The following TAMM41 variants were observed in gnomAD, a reference collection of about 807,000 sequenced individuals.
TAMM41 encodes TAM41 mitochondrial translocator assembly and maintenance homolog.
Under a neutral mutation model 44.1 loss-of-function variants are expected in TAMM41, and 36 were observed. The observed-to-expected ratio is 0.82, with a 90% confidence interval of 0.63 to 1.08. The LOEUF is 1.08. Among genes scored for constraint, TAMM41 ranks in the 50% least tolerant of loss-of-function variants. The probability of loss-of-function intolerance (pLI) is 0.00; values close to 1 mark genes in which losing one functional copy is unlikely to be tolerated. For synonymous variants in TAMM41, 164 were observed against 153.1 expected (o/e 1.07, Z -0.53); for missense variants, 417 against 404.3 (o/e 1.03, Z -0.27).
At chr3:11,789,531 T>C (rs2077438159), downstream of TAMM41, among the ~76,000 whole-genome samples, 1 of 152,184 alleles carries the variant, frequency 6.6e-6, no homozygotes, top group Admixed American at 6.5e-5. Flanking sequence ...GTCTACTCCT[T>C]CTCTGAAGCC....
chr3:11,844,200 C>T lies in TAMM41; in HGVS notation c.147G>A (p.Leu49=), dbSNP rs772619089. 46 of 1,613,894 alleles carry T rather than the reference C, an allele frequency of 2.9e-5. 1 individual carries two copies. The South Asian group carries it at 4.0e-4, about 14-fold the overall frequency. Residue 49 remains leucine (L), a synonymous_variant, in exon 2 of 8, where the codon CTG becomes CTA. Transcript: ENST00000455809. ...GGTCATCTACTGTGAACACAAAGTC[C>T]AGCATAGCATTCTGTGGAGTGAAGA... ...GPSSDQKNAM[L]DFVFTVDDPV...
chr3:11,787,192 A>T (rs933469156), downstream of TAMM41, among the ~76,000 whole-genome samples: 11 of 152,304 alleles, frequency 7.2e-5, 1 homozygote, highest in Admixed American at 4.6e-4. Flanking sequence ...ACCTTTTAGG[A>T]CCTAGCCTTG....
At chr3:11,841,399 A>G (rs2079435001) in intron 2 of TAMM41, among the ~76,000 whole-genome samples, 2 of 152,142 alleles carry the variant, frequency 1.3e-5, no homozygotes, top group Admixed American at 1.3e-4. Flanking sequence ...GCCTATTTCA[A>G]TAATAATTTG....
At chr3:11,779,853 G>A in the TAMM41 span, among the ~76,000 whole-genome samples, 1 of 152,068 alleles carries the variant, frequency 6.6e-6, no homozygotes, top group South Asian at 2.1e-4. Context: ...ATCCCCAAAT[G>A]TGCCCCTCCT....
At chr3:11,772,927 G>A in the TAMM41 span, among the ~76,000 whole-genome samples, 2 of 151,976 alleles carry the variant, frequency 1.3e-5, no homozygotes, top group Admixed American at 6.6e-5. Context: ...GCTGTCACAC[G>A]GTATACTCTT....
At chr3:11,791,840 T>G (rs1274289944) in intron 7 of TAMM41, among the ~76,000 whole-genome samples, 1 of 152,136 alleles carries the variant, frequency 6.6e-6, no homozygotes, top group Non-Finnish European at 1.5e-5. Flanking sequence ...CATAACCTAG[T>G]CAACAAACTC....
chr3:11,779,477 C>T, the TAMM41 span, among the ~76,000 whole-genome samples: 42 of 152,274 alleles, frequency 2.8e-4, no homozygotes, highest in African/African-American at 9.4e-4. Context: ...ACCTCCAACA[C>T]CGAGGATCCA....
the TAMM41 span, among the ~76,000 whole-genome samples, chr3:11,765,626 T>A: frequency 9.9e-5 from 15 of 152,156 alleles, no homozygotes; most frequent in African/African-American, 3.6e-4. Flanking sequence ...CTATTTGATA[T>A]AAGACCATAT....
the TAMM41 span, among the ~76,000 whole-genome samples, chr3:11,772,558 G>A: frequency 6.6e-6 from 1 of 151,984 alleles, no homozygotes; most frequent in Non-Finnish European, 1.5e-5. Context: ...GTATATCCAT[G>A]GTGTGTGTAT....
intron 4 of TAMM41, among the ~76,000 whole-genome samples, chr3:11,825,044 C>T (rs1208277978): frequency 2.0e-5 from 3 of 151,988 alleles, no homozygotes; most frequent in African/African-American, 7.2e-5. Context: ...GTGACGCCCA[C>T]CACCAAAGAC....
chr3:11,838,517 C>T (rs1004167408), intron 3 of TAMM41, among the ~76,000 whole-genome samples: 2 of 152,166 alleles, frequency 1.3e-5, no homozygotes, highest in South Asian at 2.1e-4. Flanking sequence ...CACACCCAGC[C>T]GGGAAGGCAC....
At chr3:11,751,945 T>C in the TAMM41 span, among the ~76,000 whole-genome samples, 2 of 152,238 alleles carry the variant, frequency 1.3e-5, no homozygotes, top group East Asian at 3.9e-4. Context: ...TAGCTCCAAC[T>C]AGGAACCACT....
chr3:11,798,592 C>T (rs2077668578), intron 7 of TAMM41, among the ~76,000 whole-genome samples: 2 of 152,020 alleles, frequency 1.3e-5, no homozygotes, highest in Admixed American at 1.3e-4. Flanking sequence ...ATCTGTGTAA[C>T]AAACTTCTAT....
chr3:11,781,736 A>AAATAATAAT, the TAMM41 span, among the ~76,000 whole-genome samples: 2,852 of 122,970 alleles, frequency 0.023, 42 homozygotes, highest in East Asian at 0.035. Flanking sequence ...CTCCATCTCA[A>AAATAATAAT]AATAATAATA....
the TAMM41 span, among the ~76,000 whole-genome samples, chr3:11,738,965 C>T: frequency 6.6e-6 from 1 of 152,206 alleles, no homozygotes; most frequent in Non-Finnish European, 1.5e-5. Flanking sequence ...CTGGGCCCAG[C>T]CCACCTTTTG....
At chr3:11,821,814 C>A (rs1222276073) in intron 4 of TAMM41, among the ~76,000 whole-genome samples, 1 of 152,102 alleles carries the variant, frequency 6.6e-6, no homozygotes, top group Non-Finnish European at 1.5e-5. Flanking sequence ...AGGAGCTGTG[C>A]TAGGCAATGG....
Position 11,839,263 on chromosome 3 carries a change from T to C in TAMM41, c.370A>G (p.Asn124Asp). 3.7e-6 allele frequency: 6 copies of C among 1,613,768 alleles called. No individual in the cohort carries two copies. The highest frequency in any genetic ancestry group is 5.1e-6 in the Non-Finnish European group (6 of 1,179,826). Residue 124 changes from asparagine to aspartate, a missense_variant, in exon 3 of 8, where the codon AAC becomes GAC. Coordinates refer to ENST00000455809, the MANE Select transcript of TAMM41 (RefSeq NM_001284401.2). ...CCAGCAATGTATAAGTTATTCCAGT[T>C]GAGGAGATCTTCAATCAGAACGTTA... ...STNVLIEDLL[N>D]WNNLYIAGRL...
intron 1 of TAMM41, 21 bp downstream of exon 1, chr3:11,846,481 C>A (rs2079698044): frequency 1.2e-6 from 2 of 1,613,840 alleles, no homozygotes; most frequent in Non-Finnish European, 8.5e-7. Context: ...AGTTCCCCGT[C>A]GTGGGGCTGC....
the TAMM41 span, among the ~76,000 whole-genome samples, chr3:11,727,431 G>A: frequency 2.0e-3 from 306 of 152,232 alleles, 2 homozygotes; most frequent in African/African-American, 7.1e-3. Flanking sequence ...TATTCACAGT[G>A]CACTGAGAAG....
Sources: allele counts gnomAD v4.1 joint callset (sites outside exome capture counted in the v4.1 genomes callset), GRCh38; gene constraint gnomAD v4.1.1; transcripts MANE v1.5; gene names NCBI Gene and HGNC (gene_info 2026-07-23, HGNC 2026-07-21).